The following ACO1 variants were observed in gnomAD, a reference collection of about 807,000 sequenced individuals.
ACO1 encodes aconitase 1, also known as cytoplasmic aconitate hydratase.
A neutral mutation model predicts 105.1 loss-of-function variants in ACO1; 78 were observed. The observed-to-expected ratio is 0.74, with a 90% CI of 0.62 to 0.90. The LOEUF (loss-of-function observed/expected upper bound fraction) is 0.90, where lower values mean the gene tolerates loss of function less well. ACO1 is among the 40% of genes least tolerant of loss of function. ACO1 has a pLI of 0.00. For synonymous variants in ACO1, 364 were observed against 397.4 expected (o/e 0.92, Z 1.00); for missense variants, 965 against 1,111.1 (o/e 0.87, Z 1.87).
In ACO1 at chr9:32,448,976, A is replaced by C. The variant is rs1012255074; in HGVS notation, c.2451A>C (p.Glu817Asp). Residue 817 changes from glutamate (E) to aspartate (D), a missense_variant, in exon 20 of 21, where the codon GAA becomes GAC. Physicochemically the swap from Glu to Asp is conservative, Grantham distance 45 (BLOSUM62 2). Transcript: ENST00000309951. ...NLVGMGVIPL[E>D]YLPGENADAL... ...TTGGGATGGGTGTGATCCCACTTGA[A>C]TATCTCCCTGGTGAGAATGCAGATG... 10 of 1,614,046 alleles carry C rather than the reference A, an allele frequency of 6.2e-6. No individual in the cohort carries two copies. The highest frequency in any genetic ancestry group is 1.7e-5 in the Admixed American group (1 of 60,028).
At chr9:32,420,171 C>CCAT (rs1457115752) in intron 7 of ACO1, among the ~76,000 whole-genome samples, 1 of 152,156 alleles carries the variant, frequency 6.6e-6, no homozygotes, top group Non-Finnish European at 1.5e-5. Context: ...CTAAGTCAGT[C>CCAT]ACTGTGGCCT....
chr9:32,424,834 C>T (rs150744490), intron 10 of ACO1, among the ~76,000 whole-genome samples, 169 bp downstream of exon 10: 8 of 152,334 alleles, frequency 5.3e-5, no homozygotes, highest in Non-Finnish European at 1.2e-4. Flanking sequence ...AGTCACGAGC[C>T]AAGCGGCAAG....
At chr9:32,410,824 A>G (rs990560035) in intron 4 of ACO1, among the ~76,000 whole-genome samples, 3 of 152,234 alleles carry the variant, frequency 2.0e-5, no homozygotes, top group Non-Finnish European at 4.4e-5. Context: ...TATTTCTTAC[A>G]CATCTTCTAG....
At chr9:32,436,569 A>C (rs1563945838) in intron 18 of ACO1, among the ~76,000 whole-genome samples, 172 bp downstream of exon 18, 1 of 152,226 alleles carries the variant, frequency 6.6e-6, no homozygotes, top group Admixed American at 6.5e-5. Context: ...TCATTGACAA[A>C]TTCAAACCTT....
chr9:32,407,555 T>C, intron 3 of ACO1, 126 bp downstream of exon 3: 1 of 876,724 alleles, frequency 1.1e-6, no homozygotes, highest in Non-Finnish European at 1.6e-6. Context: ...TATATAATAT[T>C]ATATACCCAT....
intron 4 of ACO1, among the ~76,000 whole-genome samples, chr9:32,409,915 C>G (rs1821699159): frequency 6.6e-6 from 1 of 152,108 alleles, no homozygotes; most frequent in South Asian, 2.1e-4. Context: ...CAACTTAGGC[C>G]TGACCTCTTA....
At position 32,437,396 on chromosome 9, in the gene ACO1, G is replaced by A. The variant is rs1822384935; in HGVS notation, c.2247+999G>A. Among the ~76,000 whole-genome samples, 3 of 151,766 alleles carry A rather than the reference G, an allele frequency of 2.0e-5. No homozygotes were observed. In the South Asian group the frequency reaches 6.2e-4, roughly 31 times the overall value. On this transcript the variant is annotated intron_variant, in intron 18 of 20. Coordinates refer to ENST00000309951, the MANE Select transcript of ACO1 (RefSeq NM_002197.3). ...CTCACTCGTAACTGATTATATTTTT[G>A]TAACACAAACTCGTTCTTTAGAAAT...
chr9:32,384,657 A>G lies in ACO1; in HGVS notation c.-101A>G, dbSNP rs1052687404. The stretch of plus-strand genomic sequence containing the variant: ...GGCGGAGCGTGGAGGCGGCAGCTGG[A>G]ACCGCGCAGCGCACGGGAACGCGTC... On this transcript the variant is annotated 5_prime_UTR_variant, in exon 1 of 21. Coordinates refer to ENST00000309951, the MANE Select transcript of ACO1 (RefSeq NM_002197.3). 1 of 393,104 alleles carries G rather than the reference A, an allele frequency of 2.5e-6. No homozygotes were observed. The highest frequency in any genetic ancestry group is 5.1e-6 in the Non-Finnish European group (1 of 197,546). The allele number at this position is 393,104 out of a possible 1,614,324, so 24.4% of individuals were successfully genotyped here. A position where few individuals can be genotyped will look rare whatever the true frequency, so the allele number is the denominator to read the frequency against.
intron 19 of ACO1, among the ~76,000 whole-genome samples, chr9:32,447,415 CA>C (rs58962791): frequency 0.044 from 6,746 of 152,190 alleles, 472 homozygotes; most frequent in African/African-American, 0.15. Context: ...TCAGCTCTAT[CA>C]GGTCATTTAT....
At chr9:32,438,249 A>G (rs1377684312) in intron 18 of ACO1, among the ~76,000 whole-genome samples, 2 of 152,244 alleles carry the variant, frequency 1.3e-5, no homozygotes, top group Non-Finnish European at 2.9e-5. Flanking sequence ...CCATCAGTCA[A>G]GTGCACTTAA....
chr9:32,394,616 G>T (rs943942153), intron 1 of ACO1, among the ~76,000 whole-genome samples: 7 of 152,166 alleles, frequency 4.6e-5, no homozygotes, highest in Non-Finnish European at 7.3e-5. Flanking sequence ...CTTCAGAGCT[G>T]GGCTCTGGAG....
At chr9:32,400,290 A>G (rs1821467813) in intron 1 of ACO1, among the ~76,000 whole-genome samples, 1 of 151,710 alleles carries the variant, frequency 6.6e-6, no homozygotes, top group East Asian at 1.9e-4. Context: ...CCTTAGTGTA[A>G]TATTTTTTAA....
intron 1 of ACO1, among the ~76,000 whole-genome samples, chr9:32,391,094 T>C (rs1677558669): frequency 6.6e-6 from 1 of 152,250 alleles, no homozygotes; most frequent in Non-Finnish European, 1.5e-5. Context: ...TCATGAATTA[T>C]GGTAGCTCAC....
chr9:32,397,469 A>G (rs1015905984), intron 1 of ACO1, among the ~76,000 whole-genome samples: 4 of 152,202 alleles, frequency 2.6e-5, no homozygotes, highest in Non-Finnish European at 4.4e-5. Context: ...CTCTCTTATG[A>G]AAGAACCCAG....
chr9:32,397,378 T>C (rs1821394848), intron 1 of ACO1, among the ~76,000 whole-genome samples: 1 of 152,218 alleles, frequency 6.6e-6, no homozygotes, highest in Non-Finnish European at 1.5e-5. Flanking sequence ...GATGACCTGG[T>C]TTCTTGGAAA....
chr9:32,423,686 T>C (rs529380288), intron 9 of ACO1, among the ~76,000 whole-genome samples: 97 of 152,330 alleles, frequency 6.4e-4, no homozygotes, highest in African/African-American at 2.3e-3. Context: ...CACCTCTTAA[T>C]GTGGAAGACC....
chr9:32,421,099 C>T lies in ACO1; in HGVS notation c.970+72C>T, dbSNP rs1159041574. The T allele has an allele frequency of 2.7e-6, 4 of 1,501,104 alleles. No homozygotes were observed. The East Asian group carries it at 9.2e-5, about 34-fold the overall frequency. The allele number at this position is 1,501,104 out of a possible 1,614,324, so 93.0% of individuals were successfully genotyped here. ...TGAAACACCAAGAATCTGAGCACTG[C>T]CTTCTGCCTCTACCCAACAGAAGGC... On this transcript the variant is annotated intron_variant, in intron 8 of 20. Transcript: ENST00000309951.
intron 19 of ACO1, among the ~76,000 whole-genome samples, chr9:32,445,148 C>CCGAA (rs1822571193): frequency 6.6e-6 from 1 of 152,088 alleles, no homozygotes; most frequent in Admixed American, 6.5e-5. Flanking sequence ...GGGAGGATTC[C>CCGAA]CTCTTTTTCT....
Position 32,384,718 on chromosome 9 carries a change from C to T in ACO1, c.-40C>T, listed in dbSNP as rs1159932499. 2 of 411,884 alleles carry T rather than the reference C, an allele frequency of 4.9e-6. No individual in the cohort carries two copies. The highest frequency in any genetic ancestry group is 9.7e-6 in the Non-Finnish European group (2 of 207,094). 25.5% of individuals were successfully genotyped at this position (411,884 alleles called of 1,614,324 possible). A position where few individuals can be genotyped will look rare whatever the true frequency, so the allele number is the denominator to read the frequency against. On this transcript the variant is annotated 5_prime_UTR_variant, in exon 1 of 21. Coordinates refer to ENST00000309951, the MANE Select transcript of ACO1 (RefSeq NM_002197.3). ...GGTCAGGTTCGCCGGTCGCGGGAGC[C>T]CCGCCGTGCAGTCGGAGGTGAGTAC...
Sources: gnomAD v4.1 joint callset for allele counts (sites outside exome capture counted in the v4.1 genomes callset) on GRCh38, gnomAD v4.1.1 for gene constraint, MANE v1.5 for transcripts, NCBI Gene and HGNC (gene_info 2026-07-23, HGNC 2026-07-21) for gene names.